WIPF3: variants seen among roughly 807,000 people sequenced by gnomAD.
The protein encoded by WIPF3 is WAS/WASL interacting protein family member 3.
WIPF3 carries 33 observed loss-of-function variants against 38.9 expected under a neutral mutation model. That is an observed-to-expected ratio of 0.85 (90% CI 0.64 to 1.14). The LOEUF (loss-of-function observed/expected upper bound fraction) is 1.14, where lower values mean the gene tolerates loss of function less well. Among genes scored for constraint, WIPF3 ranks in the 50% most tolerant of loss-of-function variants. The pLI is 0.00. For synonymous variants in WIPF3, 324 were observed against 269.3 expected, an observed-to-expected ratio of 1.20 and a Z score of -1.99; for missense variants, 711 against 652.5, an observed-to-expected ratio of 1.09 and a Z score of -0.98.
At chr7:29,845,715 T>C (rs1784988955) in intron 2 of WIPF3, among the ~76,000 whole-genome samples, 1 of 152,176 alleles carries the variant, frequency 6.6e-6, no homozygotes, top group Non-Finnish European at 1.5e-5. Context: ...CAGAGTCGGA[T>C]GAGGGATGAG....
chr7:29,808,261 C>T (rs1784317013), intron 1 of WIPF3, among the ~76,000 whole-genome samples: 2 of 151,784 alleles, frequency 1.3e-5, no homozygotes, highest in Non-Finnish European at 2.9e-5. Flanking sequence ...CATTTAAAAA[C>T]CACAAAAACC....
intron 2 of WIPF3, among the ~76,000 whole-genome samples, chr7:29,835,331 A>C (rs1784783740): frequency 6.6e-6 from 1 of 152,090 alleles, no homozygotes; most frequent in Non-Finnish European, 1.5e-5. Context: ...GTGTTGCTGA[A>C]TGTTCTCTCT....
At chr7:29,848,279 C>T (rs1410869146) in intron 2 of WIPF3, among the ~76,000 whole-genome samples, 1 of 152,192 alleles carries the variant, frequency 6.6e-6, no homozygotes, top group East Asian at 1.9e-4. Context: ...GATGGCAGCT[C>T]CATTCAAACA....
chr7:29,853,026 C>A (rs1249562999), intron 2 of WIPF3, among the ~76,000 whole-genome samples: 1 of 152,176 alleles, frequency 6.6e-6, no homozygotes, highest in Non-Finnish European at 1.5e-5. Flanking sequence ...AAAGTAGATT[C>A]TGAGACAAGG....
chr7:29,857,835 C>T (rs539131915), intron 2 of WIPF3, among the ~76,000 whole-genome samples: 1 of 152,254 alleles, frequency 6.6e-6, no homozygotes, highest in East Asian at 1.9e-4. Flanking sequence ...CAGAGAGTTC[C>T]TGTACACCCA....
intron 1 of WIPF3, among the ~76,000 whole-genome samples, chr7:29,806,909 CGGCCGGGCCG>C (rs554229016): frequency 1.3e-5 from 2 of 151,250 alleles, no homozygotes. Context: ...CACGCCGCCC[CGGCCGGGCCG>C]GGCCGGGCCG....
intron 1 of WIPF3, among the ~76,000 whole-genome samples, chr7:29,811,741 T>C (rs1784382510): frequency 6.6e-6 from 1 of 152,226 alleles, no homozygotes; most frequent in Non-Finnish European, 1.5e-5. Context: ...CAAAAGTAAG[T>C]GTTTCCTAGA....
Position 29,884,408 on chromosome 7 carries a change from G to A in WIPF3, c.914G>A (p.Arg305Lys). 7.1e-7 allele frequency: 1 copy of A among 1,412,068 alleles called. No individual in the cohort carries two copies. The highest frequency in any genetic ancestry group is 9.3e-7 in the Non-Finnish European group (1 of 1,073,684). 87.5% of individuals were successfully genotyped at this position (1,412,068 alleles called of 1,614,324 possible). The change falls in exon 5 of 9, where the codon AGG becomes AAG. Residue 305 changes from arginine (R) to lysine (K), a missense_variant. Transcript: ENST00000242140. ...CCCCCTTATGCTTCTTGCTCCCCGA[G>A]GGCTTCTTTGCCCGCGCCCCCTTTG... ...PLPPYASCSPRASLPAPPLPG... is the reference protein window; with the variant it reads ...PLPPYASCSPKASLPAPPLPG...
chr7:29,870,536 A>T (rs191332760), intron 2 of WIPF3, among the ~76,000 whole-genome samples: 14 of 152,294 alleles, frequency 9.2e-5, no homozygotes, highest in Admixed American at 4.6e-4. Flanking sequence ...CCCTAAGCAA[A>T]GATGTGACAG....
chr7:29,883,303 A>G (rs1448390330), intron 4 of WIPF3, among the ~76,000 whole-genome samples: 2 of 152,202 alleles, frequency 1.3e-5, no homozygotes, highest in African/African-American at 4.8e-5. Context: ...TGTCAAGGGC[A>G]AATGTCTCCC....
intron 1 of WIPF3, among the ~76,000 whole-genome samples, chr7:29,828,043 C>T (rs1381809712): frequency 6.6e-6 from 1 of 152,158 alleles, no homozygotes; most frequent in Non-Finnish European, 1.5e-5. Flanking sequence ...AAGCTATCTA[C>T]CCATGTCGGC....
rs1487323544 is a variant in WIPF3, at chr7:29,915,059, C to T, written c.*543C>T. ...GGAACGAGGTGCCATGTCTCGCTTC[C>T]ATTTTGCAGTACAGGGAATTTTTTT... is the stretch of plus-strand genomic sequence containing the variant. On this transcript the variant is annotated 3_prime_UTR_variant, in exon 9 of 9. Coordinates refer to ENST00000242140, the MANE Select transcript of WIPF3 (RefSeq NM_001080529.3). 1.3e-5 allele frequency: 2 copies of T among 148,446 alleles called. No homozygotes were observed. Among genetic ancestry groups the T allele is most frequent in the African/African-American group, 2.5e-5 (1 of 40,330 alleles). The allele number at this position is 148,446 out of a possible 1,614,324, so 9.2% of individuals were successfully genotyped here.
chr7:29,829,322 C>T (rs1348665179), intron 1 of WIPF3, among the ~76,000 whole-genome samples: 1 of 151,898 alleles, frequency 6.6e-6, no homozygotes, highest in East Asian at 1.9e-4. Flanking sequence ...AAGCCACTCT[C>T]CCACCTCAGC....
intron 2 of WIPF3, among the ~76,000 whole-genome samples, chr7:29,847,962 A>C (rs1785028589): frequency 6.6e-6 from 1 of 152,134 alleles, no homozygotes; most frequent in Non-Finnish European, 1.5e-5. Flanking sequence ...GCTACTTCTG[A>C]GGCCTTCATT....
chr7:29,890,110 G>C (rs1465358393), intron 7 of WIPF3, among the ~76,000 whole-genome samples: 1 of 152,156 alleles, frequency 6.6e-6, no homozygotes, highest in Non-Finnish European at 1.5e-5. Flanking sequence ...TGTAACCCCA[G>C]CACTTTGGGA....
chr7:29,849,976 G>T, intron 2 of WIPF3, among the ~76,000 whole-genome samples: 1 of 152,142 alleles, frequency 6.6e-6, no homozygotes, highest in Non-Finnish European at 1.5e-5. Context: ...GGTTGCTTTT[G>T]GGAATTGCTT....
Position 29,884,264 on chromosome 7 carries a change from T to TGA in WIPF3, c.770_771insGA (p.Pro258ThrfsTer117). On this transcript the variant is annotated frameshift_variant, in exon 5 of 9. Coordinates refer to ENST00000242140, the MANE Select transcript of WIPF3 (RefSeq NM_001080529.3). LOFTEE classifies it high-confidence loss of function. ...AAGCCTCAGCTGGCTCCCTTGCACC[T>TGA]CCCGCCCATCCCGCCCCCGCTCCCT... 12 of 1,315,212 alleles carry TGA rather than the reference T, an allele frequency of 9.1e-6. No individual in the cohort carries two copies. Among genetic ancestry groups the TGA allele is most frequent in the Non-Finnish European group, 1.1e-5 (11 of 992,642 alleles). 81.5% of individuals were successfully genotyped at this position (1,315,212 alleles called of 1,614,324 possible).
At chr7:29,890,895 G>T (rs1785998665) in intron 7 of WIPF3, among the ~76,000 whole-genome samples, 2 of 144,126 alleles carry the variant, frequency 1.4e-5, no homozygotes, top group Admixed American at 6.9e-5. Context: ...GTGAGGGCCT[G>T]CCCTGTGCTC....
chr7:29,810,123 C>T (rs1024521337), intron 1 of WIPF3, among the ~76,000 whole-genome samples: 4 of 152,146 alleles, frequency 2.6e-5, no homozygotes, highest in Admixed American at 6.5e-5. Flanking sequence ...TAGCCCTGCC[C>T]GGGGCTAGGC....
Sources: allele counts gnomAD v4.1 joint callset (sites outside exome capture counted in the v4.1 genomes callset), GRCh38; gene constraint gnomAD v4.1.1; transcripts MANE v1.5; gene names NCBI Gene and HGNC (gene_info 2026-07-23, HGNC 2026-07-21).